The following C1orf167 variants were observed in gnomAD, a reference collection of about 807,000 sequenced individuals.
The protein encoded by C1orf167 is uncharacterized protein C1orf167.
C1orf167 carries 153 observed loss-of-function variants against 176.5 expected under a neutral mutation model. The observed-to-expected ratio is 0.87, with a 90% CI of 0.76 to 0.99. The LOEUF (loss-of-function observed/expected upper bound fraction) is 0.99, where lower values mean the gene tolerates loss of function less well. Ranked by LOEUF, C1orf167 falls within the 50% of genes least tolerant of loss-of-function variation. The probability of loss-of-function intolerance (pLI) is 0.00; values close to 1 mark genes in which losing one functional copy is unlikely to be tolerated. For synonymous variants in C1orf167, 594 were observed against 752.7 expected (o/e 0.79, Z 3.45); for missense variants, 1,490 against 1,817.7 (o/e 0.82, Z 3.28).
Position 11,766,776 on chromosome 1 carries a change from T to C in C1orf167, c.990T>C (p.Thr330=), listed in dbSNP as rs2100248134. 1 of 1,289,648 alleles carries C rather than the reference T, an allele frequency of 7.8e-7. No homozygotes were observed. The highest frequency in any genetic ancestry group is 2.1e-4 in the Middle Eastern group (1 of 4,696). The allele number at this position is 1,289,648 out of a possible 1,614,324, so 79.9% of individuals were successfully genotyped here. A position where few individuals can be genotyped will look rare whatever the true frequency, so the allele number is the denominator to read the frequency against. The change falls in exon 3 of 21, where the codon ACT becomes ACC. Residue 330 remains threonine, a synonymous_variant. Coordinates refer to ENST00000688073, the MANE Select transcript of C1orf167 (RefSeq NM_001010881.2). This position sits in a 1 kb window ranked among gnomAD's most constrained non-coding sequence, Gnocchi z 4.5. ...GCAAGCTAATGTCACCTGAGACCACTTTGGGGACACGGACCAAGGATTCCC... is the reference window on the plus strand; with the variant it reads ...GCAAGCTAATGTCACCTGAGACCACCTTGGGGACACGGACCAAGGATTCCC... ...AQSKLMSPET[T]LGTRTKDSLN...
At position 11,789,279 on chromosome 1, in the gene C1orf167, A is replaced by C; in HGVS notation, c.4183A>C (p.Lys1395Gln). ...VTAAGRWAFK[K>Q]WHQRLAARSP... ...TCCTCCCTGGTTCCAGGCCTTTAAG[A>C]AGTGGCACCAACGCCTGGCAGCCAG... The change falls in exon 21 of 21, where the codon AAG becomes CAG. Residue 1395 changes from lysine to glutamine, a missense_variant. By Grantham distance (53) the Lys-to-Gln change is moderately conservative (BLOSUM62 1). Transcript: ENST00000688073. The C allele has an allele frequency of 7.7e-7, 1 of 1,303,952 alleles. No individual in the cohort carries two copies. Among genetic ancestry groups the C allele is most frequent in the Non-Finnish European group, 1.0e-6 (1 of 988,876 alleles). 80.8% of individuals were successfully genotyped at this position (1,303,952 alleles called of 1,614,324 possible).
At chr1:11,767,962 TG>T in intron 4 of C1orf167, 114 bp from the exon 5 acceptor site, 1 of 732,830 alleles carries the variant, frequency 1.4e-6, no homozygotes, top group Non-Finnish European at 1.9e-6. Context: ...TGTTGTGGCG[TG>T]GGTCATCACC....
At chr1:11,776,347 G>A (rs1013340606) in intron 9 of C1orf167, 117 bp from the exon 10 acceptor site, 1 of 920,512 alleles carries the variant, frequency 1.1e-6, no homozygotes, top group African/African-American at 1.8e-5. Flanking sequence ...TGGAAGCGGT[G>A]GGACGGGACA....
intron 4 of C1orf167, among the ~76,000 whole-genome samples, 175 bp downstream of exon 4, chr1:11,767,439 C>T (rs1287681614): frequency 6.6e-6 from 1 of 152,036 alleles, no homozygotes; most frequent in Non-Finnish European, 1.5e-5. Flanking sequence ...CCTCCAGGGC[C>T]CCAGGGACAA....
chr1:11,789,457 T>A lies in C1orf167; in HGVS notation c.*11T>A. ...CAGCTGCAGCTGTGACTTGTTCTCA[T>A]AGAATAAAAAACAGAACTGAACTTA... On this transcript the variant is annotated 3_prime_UTR_variant, in exon 21 of 21. Coordinates refer to ENST00000688073, the MANE Select transcript of C1orf167 (RefSeq NM_001010881.2). The A allele has an allele frequency of 7.7e-7, 1 of 1,302,374 alleles. No individual in the cohort carries two copies. Among genetic ancestry groups the A allele is most frequent in the Non-Finnish European group, 1.0e-6 (1 of 988,316 alleles). The allele number at this position is 1,302,374 out of a possible 1,614,324, so 80.7% of individuals were successfully genotyped here.
intron 15 of C1orf167, 75 bp from the exon 16 acceptor site, chr1:11,785,073 A>C: frequency 8.7e-7 from 1 of 1,147,972 alleles, no homozygotes; most frequent in Non-Finnish European, 1.1e-6. Context: ...CCCCTCCCGC[A>C]GGGCACTGGG....
At chr1:11,772,904 A>ATTATTATTATTATT (rs56228938) in intron 8 of C1orf167, among the ~76,000 whole-genome samples, 16 of 146,464 alleles carry the variant, frequency 1.1e-4, no homozygotes, top group East Asian at 8.0e-4. Context: ...CATTATTATT[A>ATTATTATTATTATT]TTATTATTAT....
At chr1:11,776,372 C>G (rs1336554741) in intron 9 of C1orf167, 92 bp from the exon 10 acceptor site, 20 of 1,168,058 alleles carry the variant, frequency 1.7e-5, no homozygotes, top group Non-Finnish European at 4.4e-6. Context: ...GGGAGAGCTC[C>G]CAAGAGGGGC....
chr1:11,785,182 G>A lies in C1orf167; in HGVS notation c.3460G>A (p.Gly1154Ser), dbSNP rs779036499. 128 of 1,291,470 alleles carry A rather than the reference G, an allele frequency of 9.9e-5. No homozygotes were observed. The highest frequency in any genetic ancestry group is 3.9e-4 in the African/African-American group (26 of 65,868). The allele number at this position is 1,291,470 out of a possible 1,614,324, so 80.0% of individuals were successfully genotyped here. A position where few individuals can be genotyped will look rare whatever the true frequency, so the allele number is the denominator to read the frequency against. ...GGCCTCGGTGCAGTCGGCGGTGCGC[G>A]GCGGTGTCCAGCGAGCCATCCTCAC... ...LEASVQSAVR[G>S]GVQRAILTQL... The change falls in exon 16 of 21, where the codon GGC (glycine) becomes AGC (serine). Residue 1154 changes from glycine (G) to serine (S), a missense_variant. Physicochemically the swap from Gly to Ser is moderately conservative, Grantham distance 56. Coordinates refer to ENST00000688073, the MANE Select transcript of C1orf167 (RefSeq NM_001010881.2).
chr1:11,762,205 C>G lies in C1orf167; in HGVS notation c.-171C>G, dbSNP rs1460619403. The G allele has an allele frequency of 8.9e-6, 4 of 447,842 alleles. No individual in the cohort carries two copies. Among genetic ancestry groups the G allele is most frequent in the Non-Finnish European group, 1.8e-5 (4 of 220,762 alleles). The allele number at this position is 447,842 out of a possible 1,614,324, so 27.7% of individuals were successfully genotyped here. A position where few individuals can be genotyped will look rare whatever the true frequency, so the allele number is the denominator to read the frequency against. ...CGCTCTGCTCTCCGACGTCCCCTCCCGCCCGCGACCTGCCGACCTGCGGGG... is the reference window on the plus strand; with the variant it reads ...CGCTCTGCTCTCCGACGTCCCCTCCGGCCCGCGACCTGCCGACCTGCGGGG... On this transcript the variant is annotated 5_prime_UTR_variant, in exon 1 of 21. Coordinates refer to ENST00000688073, the MANE Select transcript of C1orf167 (RefSeq NM_001010881.2).
At chr1:11,765,487 T>C (rs12564559) in intron 2 of C1orf167, among the ~76,000 whole-genome samples, 14,043 of 151,136 alleles carry the variant, frequency 0.093, 797 homozygotes, top group South Asian at 0.21. Context: ...ATTCTTTTCT[T>C]TTTTTTTCCC....
intron 8 of C1orf167, 48 bp downstream of exon 8, chr1:11,772,307 C>G: frequency 7.9e-7 from 1 of 1,266,788 alleles, no homozygotes; most frequent in Non-Finnish European, 1.0e-6. Flanking sequence ...ACTCTGTCAC[C>G]TAGGCTGAAG....
intron 17 of C1orf167, 144 bp downstream of exon 17, chr1:11,787,637 A>AATGTTTCAG (rs1643920084): frequency 4.9e-6 from 4 of 820,556 alleles, no homozygotes; most frequent in Non-Finnish European, 6.5e-6. Flanking sequence ...CCCTCTTCGG[A>AATGTTTCAG]ATGTTTCAGC....
At chr1:11,772,894 C>CATTATTATTATTATTATT (rs1553179315) in intron 8 of C1orf167, among the ~76,000 whole-genome samples, 1,350 of 66,232 alleles carry the variant, frequency 0.02, 26 homozygotes, top group East Asian at 0.058. Flanking sequence ...TATTATGGGG[C>CATTATTATTATTATTATT]ATTATTATTA....
At position 11,769,084 on chromosome 1, in the gene C1orf167, A is replaced by G; in HGVS notation, c.1654A>G (p.Thr552Ala). ...CAAAGGCCTCTCCTTGGGAAGAAGC[A>G]CAGTGGTGGACCCCGCCCAGAGAAG... Reference protein sequence around the residue: ...QGKGLSLGRSTVVDPAQRSRL... With the variant: ...QGKGLSLGRSAVVDPAQRSRL... Residue 552 changes from threonine (T) to alanine (A), a missense_variant, in exon 6 of 21, where the codon ACA (threonine) becomes GCA (alanine). By Grantham distance (58) the Thr-to-Ala change is moderately conservative (BLOSUM62 0). Transcript: ENST00000688073. 2.0e-6 allele frequency: 2 copies of G among 985,898 alleles called. No homozygotes were observed. Among genetic ancestry groups the G allele is most frequent in the Non-Finnish European group, 2.4e-6 (2 of 829,952 alleles). The allele number at this position is 985,898 out of a possible 1,614,324, so 61.1% of individuals were successfully genotyped here. A position where few individuals can be genotyped will look rare whatever the true frequency, so the allele number is the denominator to read the frequency against.
intron 13 of C1orf167, among the ~76,000 whole-genome samples, chr1:11,781,217 C>T (rs1004809313): frequency 2.6e-5 from 4 of 151,862 alleles, no homozygotes; most frequent in Non-Finnish European, 4.4e-5. Context: ...AGGCTGGTCT[C>T]GAACTCCTGA....
chr1:11,763,228 T>C (rs1287405730), intron 1 of C1orf167, among the ~76,000 whole-genome samples: 1 of 152,142 alleles, frequency 6.6e-6, no homozygotes, highest in Non-Finnish European at 1.5e-5. Context: ...TCACCTGAGG[T>C]CAGGAGTTCG....
intron 11 of C1orf167, 43 bp downstream of exon 11, chr1:11,778,859 T>G (rs1570415377): frequency 7.7e-7 from 1 of 1,290,960 alleles, no homozygotes; most frequent in East Asian, 5.7e-5. Flanking sequence ...CAGGTAGGGG[T>G]GGATGGGTGG....
intron 15 of C1orf167, 137 bp downstream of exon 15, chr1:11,784,730 G>A (rs1043732988): frequency 2.0e-6 from 2 of 1,007,646 alleles, no homozygotes; most frequent in Non-Finnish European, 2.6e-6. Flanking sequence ...GGGTGACAGG[G>A]AGAGGCCGCC....
Sources: allele counts gnomAD v4.1 joint callset (sites outside exome capture counted in the v4.1 genomes callset), GRCh38; gene constraint gnomAD v4.1.1; non-coding constraint Gnocchi (gnomAD v3.1); transcripts MANE v1.5; gene names NCBI Gene and HGNC (gene_info 2026-07-23, HGNC 2026-07-21).